Variants in EFNA5 observed in about 807,000 individuals in gnomAD.
EFNA5 encodes the protein ephrin A5.
Under a neutral mutation model 22.9 loss-of-function variants are expected in EFNA5, and 5 were observed. The observed-to-expected ratio is 0.22, with a 90% CI of 0.11 to 0.46. EFNA5 has a LOEUF of 0.46. Ranked by LOEUF, EFNA5 falls within the 20% of genes least tolerant of loss-of-function variation. The probability of loss-of-function intolerance (pLI) is 0.99; values close to 1 mark genes in which losing one functional copy is unlikely to be tolerated. For synonymous variants in EFNA5, 113 were observed against 112.2 expected, an observed-to-expected ratio of 1.01 and a Z score of -0.04; for missense variants, 237 against 293.3, an observed-to-expected ratio of 0.81 and a Z score of 1.40.
intron 1 of EFNA5, among the ~76,000 whole-genome samples, chr5:107,525,000 G>A (rs1381490754): frequency 3.3e-5 from 5 of 152,142 alleles, no homozygotes; most frequent in African/African-American, 1.2e-4. Context: ...CTGCACTTCT[G>A]ATTTACATGT....
chr5:107,563,861 A>C (rs1441269918), intron 1 of EFNA5, among the ~76,000 whole-genome samples: 1 of 152,140 alleles, frequency 6.6e-6, no homozygotes, highest in Non-Finnish European at 1.5e-5. Context: ...CCTTAAGATT[A>C]TTCTTTCTAA....
At chr5:107,492,952 C>T (rs1020738824) in intron 1 of EFNA5, among the ~76,000 whole-genome samples, 2 of 149,400 alleles carry the variant, frequency 1.3e-5, no homozygotes, top group South Asian at 2.1e-4. Flanking sequence ...GAGCAGAGAT[C>T]ACGCCACTGC....
intron 2 of EFNA5, among the ~76,000 whole-genome samples, chr5:107,400,044 AAATTT>A (rs1748044468): frequency 3.3e-5 from 5 of 152,298 alleles, no homozygotes; most frequent in Admixed American, 3.3e-4. Context: ...TCATATTTTA[AAATTT>A]AATTTATTAT....
intron 1 of EFNA5, among the ~76,000 whole-genome samples, chr5:107,623,499 T>C (rs1168469177): frequency 6.6e-6 from 1 of 152,170 alleles, no homozygotes; most frequent in East Asian, 1.9e-4. Flanking sequence ...CCCTAGAACA[T>C]TTGTAAATTT....
At chr5:107,523,656 G>A (rs988680236) in intron 1 of EFNA5, among the ~76,000 whole-genome samples, 5 of 152,194 alleles carry the variant, frequency 3.3e-5, no homozygotes, top group African/African-American at 9.6e-5. Context: ...TCAGTTACCC[G>A]AATTCTACAA....
In EFNA5 at chr5:107,378,535, T is replaced by C. The variant is rs528045263; in HGVS notation, c.*2720A>G. On this transcript the variant is annotated 3_prime_UTR_variant, in exon 5 of 5. Transcript: ENST00000333274. ...ACCACAAAAGGCCACCAACACTTTT[T>C]AAACAAAGTGAAAACTGTCTGACAC... 7.2e-5 allele frequency: 11 copies of C among 152,326 alleles called. No individual in the cohort carries two copies. Among genetic ancestry groups the C allele is most frequent in the Admixed American group, 3.3e-4 (5 of 15,298 alleles). 9.4% of individuals were successfully genotyped at this position (152,326 alleles called of 1,614,324 possible). A position where few individuals can be genotyped will look rare whatever the true frequency, so the allele number is the denominator to read the frequency against.
In EFNA5 at chr5:107,402,968, T is replaced by C. The variant is rs186748107; in HGVS notation, c.419-15197A>G. Reference sequence around the variant, plus strand: ...GCTACTGCAAATAAAACTCTTCTTCTGTCTGTTCAATCATTTCAATTCCCT... The same window carrying C: ...GCTACTGCAAATAAAACTCTTCTTCCGTCTGTTCAATCATTTCAATTCCCT... On this transcript the variant is annotated intron_variant, in intron 2 of 4. Coordinates refer to ENST00000333274, the MANE Select transcript of EFNA5 (RefSeq NM_001962.3). Among the ~76,000 whole-genome samples, 3 of 152,352 alleles carry C rather than the reference T, an allele frequency of 2.0e-5. No individual in the cohort carries two copies. In the East Asian group the frequency reaches 5.8e-4, roughly 29 times the overall value.
At chr5:107,444,451 T>C (rs1749340658) in intron 1 of EFNA5, among the ~76,000 whole-genome samples, 1 of 152,206 alleles carries the variant, frequency 6.6e-6, no homozygotes, top group Admixed American at 6.5e-5. Context: ...TATTTAAAAG[T>C]TTGCATAAGC....
intron 1 of EFNA5, among the ~76,000 whole-genome samples, chr5:107,603,846 A>G (rs958729347): frequency 1.3e-5 from 2 of 152,216 alleles, no homozygotes; most frequent in East Asian, 1.9e-4. Context: ...CTTTATATGT[A>G]TAGCTTTACA....
At chr5:107,475,969 C>T (rs1422651776) in intron 1 of EFNA5, among the ~76,000 whole-genome samples, 1 of 140,146 alleles carries the variant, frequency 7.1e-6, no homozygotes, top group Non-Finnish European at 1.5e-5. Context: ...CAGCACGGCA[C>T]CTGTTTGAAA....
rs923285461 is a variant in EFNA5 at position 107,387,264 on chromosome 5, T to A, written c.536A>T (p.Asp179Val). The A allele has an allele frequency of 6.2e-7, 1 of 1,606,228 alleles. No individual in the cohort carries two copies. Among genetic ancestry groups the A allele is most frequent in the African/African-American group, 1.3e-5 (1 of 74,954 alleles). Residue 179 changes from aspartate (D) to valine (V), a missense_variant, in exon 4 of 5, where the codon GAC (aspartate) becomes GTC (valine). Physicochemically the swap from Asp to Val is radical, Grantham distance 152 (BLOSUM62 -3). This residue lies in a region of EFNA5 where 104 missense variants were observed against 114.5 expected (regional missense o/e 0.91). Coordinates refer to ENST00000333274, the MANE Select transcript of EFNA5 (RefSeq NM_001962.3). ...GVHDRVFDVNDKVENSLEPAD... is the reference protein window; with the variant it reads ...GVHDRVFDVNVKVENSLEPAD... ...TGGTTCTAATGAATTTTCTACTTTG[T>A]CGTTAACATCGAAAACACGATCATG... is the stretch of plus-strand genomic sequence containing the variant.
At chr5:107,385,534 A>G (rs1247963348) in intron 4 of EFNA5, among the ~76,000 whole-genome samples, 1 of 152,224 alleles carries the variant, frequency 6.6e-6, no homozygotes, top group African/African-American at 2.4e-5. Flanking sequence ...AGTCCTCTTT[A>G]TGAACATACC....
intron 1 of EFNA5, among the ~76,000 whole-genome samples, chr5:107,608,067 C>T (rs533059448): frequency 6.6e-6 from 1 of 152,254 alleles, no homozygotes; most frequent in East Asian, 1.9e-4. Context: ...CGAACACAGA[C>T]TGAGTTATTC....
chr5:107,670,711 G>A lies in EFNA5; in HGVS notation c.-98C>T, dbSNP rs1751179231. 2 of 1,489,030 alleles carry A rather than the reference G, an allele frequency of 1.3e-6. No individual in the cohort carries two copies. The highest frequency in any genetic ancestry group is 1.3e-5 in the South Asian group (1 of 78,548). The allele number at this position is 1,489,030 out of a possible 1,614,324, so 92.2% of individuals were successfully genotyped here. On this transcript the variant is annotated 5_prime_UTR_variant, in exon 1 of 5. Transcript: ENST00000333274. Reference sequence around the variant, plus strand: ...AGGCAAAGGGACAGAGAGAGAGCGGGCGCCAAATAAATATGAATAAATAAA... The same window carrying A: ...AGGCAAAGGGACAGAGAGAGAGCGGACGCCAAATAAATATGAATAAATAAA...
At chr5:107,570,062 C>T (rs1164267679) in intron 1 of EFNA5, among the ~76,000 whole-genome samples, 4 of 152,094 alleles carry the variant, frequency 2.6e-5, no homozygotes, top group African/African-American at 9.7e-5. Flanking sequence ...TACTTAAAAG[C>T]TGGCTGTATC....
At chr5:107,641,232 C>G (rs1433050869) in intron 1 of EFNA5, among the ~76,000 whole-genome samples, 3 of 151,856 alleles carry the variant, frequency 2.0e-5, no homozygotes, top group Admixed American at 1.3e-4. Flanking sequence ...GTGGTACGTG[C>G]CTGTAGTCCC....
At chr5:107,540,700 C>T (rs748892574) in intron 1 of EFNA5, among the ~76,000 whole-genome samples, 58 of 152,116 alleles carry the variant, frequency 3.8e-4, no homozygotes, top group Non-Finnish European at 6.3e-4. Flanking sequence ...ATTCAATATA[C>T]TTATACTTTA....
At chr5:107,496,962 T>A (rs553878521) in intron 1 of EFNA5, among the ~76,000 whole-genome samples, 1 of 152,228 alleles carries the variant, frequency 6.6e-6, no homozygotes, top group Non-Finnish European at 1.5e-5. Context: ...GGGGACAATG[T>A]CCCCTGGACT....
At chr5:107,581,039 TAA>T (rs974681140) in intron 1 of EFNA5, among the ~76,000 whole-genome samples, 11 of 152,326 alleles carry the variant, frequency 7.2e-5, no homozygotes, top group Admixed American at 7.2e-4. Context: ...AAGAAATTTT[TAA>T]GATGTGTGTG....
Sources: gnomAD v4.1 joint callset for allele counts (sites outside exome capture counted in the v4.1 genomes callset) on GRCh38, gnomAD v4.1.1 for gene constraint, gnomAD v4.1.1 regional missense constraint, MANE v1.5 for transcripts, NCBI Gene and HGNC (gene_info 2026-07-23, HGNC 2026-07-21) for gene names.